The following SGCZ variants were observed in gnomAD, a reference collection of about 807,000 sequenced individuals.
The protein encoded by SGCZ is zeta-sarcoglycan.
A neutral mutation model predicts 41.3 loss-of-function variants in SGCZ; 40 were observed. That is an observed-to-expected ratio of 0.97 (90% CI 0.75 to 1.26). The LOEUF (loss-of-function observed/expected upper bound fraction) is 1.26, where lower values mean the gene tolerates loss of function less well. Ranked by LOEUF, SGCZ falls within the 50% of genes most tolerant of loss-of-function variation. The probability of loss-of-function intolerance (pLI) is 0.00; values close to 1 mark genes in which losing one functional copy is unlikely to be tolerated. For synonymous variants in SGCZ, 206 were observed against 137.5 expected (o/e 1.50, Z -3.49); for missense variants, 552 against 369.8 (o/e 1.49, Z -4.04).
chr8:14,290,099 C>T (rs1800788666), intron 3 of SGCZ, among the ~76,000 whole-genome samples: 1 of 152,046 alleles, frequency 6.6e-6, no homozygotes, highest in Non-Finnish European at 1.5e-5. Context: ...ATGGGGATTA[C>T]AACTTGAGAT....
intron 2 of SGCZ, among the ~76,000 whole-genome samples, chr8:14,512,906 C>A (rs1408081819): frequency 6.6e-6 from 1 of 152,054 alleles, no homozygotes; most frequent in Non-Finnish European, 1.5e-5. Context: ...TCCCAGCTAC[C>A]TCCCCTGGGG....
At chr8:14,231,239 G>C (rs1385112532) in intron 4 of SGCZ, among the ~76,000 whole-genome samples, 2 of 151,140 alleles carry the variant, frequency 1.3e-5, no homozygotes, top group Non-Finnish European at 3.0e-5. Context: ...GACAGAGAGA[G>C]AGAGAGAGAG....
intron 4 of SGCZ, among the ~76,000 whole-genome samples, chr8:14,188,079 T>C (rs1804964802): frequency 6.6e-6 from 1 of 152,190 alleles, no homozygotes; most frequent in Non-Finnish European, 1.5e-5. Flanking sequence ...CCAAGAGTTC[T>C]ATAGGCAGCA....
At chr8:14,435,719 T>A (rs897277894) in intron 2 of SGCZ, among the ~76,000 whole-genome samples, 1 of 152,184 alleles carries the variant, frequency 6.6e-6, no homozygotes. Context: ...AATCTCAAAG[T>A]AGACATTTGA....
chr8:14,532,371 G>A (rs777643221), intron 2 of SGCZ, among the ~76,000 whole-genome samples: 6 of 152,090 alleles, frequency 3.9e-5, no homozygotes, highest in Non-Finnish European at 7.4e-5. Flanking sequence ...CAGGTAGAAA[G>A]TGGATAATGG....
At chr8:14,799,553 C>T (rs957687463) in intron 1 of SGCZ, among the ~76,000 whole-genome samples, 10 of 152,138 alleles carry the variant, frequency 6.6e-5, no homozygotes, top group Non-Finnish European at 1.2e-4. Context: ...ACTCTTCCAT[C>T]CTTTCACTAA....
At chr8:14,904,240 G>C (rs893642576) in intron 1 of SGCZ, among the ~76,000 whole-genome samples, 1 of 151,868 alleles carries the variant, frequency 6.6e-6, no homozygotes, top group Non-Finnish European at 1.5e-5. Context: ...TCTTCCTTTG[G>C]GAAAATACGC....
intron 2 of SGCZ, among the ~76,000 whole-genome samples, chr8:14,349,162 T>C (rs1370826613): frequency 6.6e-6 from 1 of 152,090 alleles, no homozygotes; most frequent in Non-Finnish European, 1.5e-5. Flanking sequence ...AGGAAACACA[T>C]CCTAACCAAT....
intron 1 of SGCZ, among the ~76,000 whole-genome samples, chr8:15,205,786 C>A (rs1364784110): frequency 6.6e-6 from 1 of 152,146 alleles, no homozygotes; most frequent in Non-Finnish European, 1.5e-5. Context: ...GAATGTACAT[C>A]ATTTTACCAT....
chr8:14,322,473 G>T (rs1453862076), intron 3 of SGCZ, among the ~76,000 whole-genome samples: 2 of 151,978 alleles, frequency 1.3e-5, no homozygotes, highest in South Asian at 2.1e-4. Flanking sequence ...ATGGTCCATA[G>T]GTGGAATCCA....
intron 1 of SGCZ, among the ~76,000 whole-genome samples, chr8:14,955,789 T>C (rs898118348): frequency 2.6e-5 from 4 of 152,136 alleles, no homozygotes; most frequent in Non-Finnish European, 5.9e-5. Flanking sequence ...ATCATGTATA[T>C]CAACTCAAAA....
At chr8:14,739,316 G>C (rs973108555) in intron 1 of SGCZ, among the ~76,000 whole-genome samples, 6 of 151,782 alleles carry the variant, frequency 4.0e-5, no homozygotes, top group Non-Finnish European at 7.4e-5. Context: ...GCCATCCAAT[G>C]TTTCATTAAA....
At chr8:14,944,252 C>T (rs913085421) in intron 1 of SGCZ, among the ~76,000 whole-genome samples, 2 of 151,968 alleles carry the variant, frequency 1.3e-5, no homozygotes, top group African/African-American at 4.8e-5. Context: ...CATTTTAGTC[C>T]TCAGTTTTAA....
rs536245793 is a variant in SGCZ at position 14,170,175 on chromosome 8, TG to T, written c.425-5474del. Among the ~76,000 whole-genome samples the T allele has an allele frequency of 4.1e-5, 6 of 144,700 alleles. No individual in the cohort carries two copies. In the South Asian group the frequency reaches 1.3e-3, roughly 32 times the overall value. The allele number at this position is 144,700 out of a possible 152,430, so 94.9% of individuals were successfully genotyped here. A position where few individuals can be genotyped will look rare whatever the true frequency, so the allele number is the denominator to read the frequency against. ...GAAATCTTCCACTTTCAACAATCAC[TG>T]CATCTCCCCCCGCACCGAATCCACA... On this transcript the variant is annotated intron_variant, in intron 4 of 7. Coordinates refer to ENST00000382080, the MANE Select transcript of SGCZ (RefSeq NM_139167.4).
chr8:14,558,162 A>G (rs981916553), intron 1 of SGCZ, among the ~76,000 whole-genome samples: 5 of 152,144 alleles, frequency 3.3e-5, no homozygotes, highest in Non-Finnish European at 7.4e-5. Flanking sequence ...AGTGAGATTG[A>G]AACTGTAATA....
chr8:14,607,080 C>T (rs1370417406), intron 1 of SGCZ, among the ~76,000 whole-genome samples: 3 of 152,108 alleles, frequency 2.0e-5, no homozygotes, highest in African/African-American at 4.8e-5. Flanking sequence ...CTCATCTATT[C>T]ATTGACTGTG....
At chr8:14,753,278 T>C (rs1250138340) in intron 1 of SGCZ, among the ~76,000 whole-genome samples, 1 of 152,172 alleles carries the variant, frequency 6.6e-6, no homozygotes, top group Non-Finnish European at 1.5e-5. Context: ...ATAATGTACT[T>C]CAAGGGATCC....
chr8:14,381,512 T>C (rs546731614), intron 2 of SGCZ, among the ~76,000 whole-genome samples: 22 of 152,100 alleles, frequency 1.4e-4, no homozygotes, highest in Admixed American at 5.9e-4. Flanking sequence ...CGGTGACTCA[T>C]GCCTATAATC....
At chr8:15,130,006 G>A (rs2116970721) in intron 1 of SGCZ, among the ~76,000 whole-genome samples, 1 of 152,194 alleles carries the variant, frequency 6.6e-6, no homozygotes, top group Admixed American at 6.5e-5. Flanking sequence ...CATCCTGTAT[G>A]ACTAAGTAGG....
Sources: allele counts gnomAD v4.1 joint callset (sites outside exome capture counted in the v4.1 genomes callset), GRCh38; gene constraint gnomAD v4.1.1; transcripts MANE v1.5; gene names NCBI Gene and HGNC (gene_info 2026-07-23, HGNC 2026-07-21).